The following MDGA2 variants were observed in gnomAD, a reference collection of about 807,000 sequenced individuals.
The protein encoded by MDGA2 is MAM domain containing glycosylphosphatidylinositol anchor 2.
Under a neutral mutation model 117.8 loss-of-function variants are expected in MDGA2, and 40 were observed. The observed-to-expected ratio is 0.34, with a 90% CI of 0.26 to 0.44. MDGA2 has a LOEUF of 0.44. MDGA2 is among the 20% of genes least tolerant of loss of function. The probability of loss-of-function intolerance (pLI) is 1.00; values close to 1 mark genes in which losing one functional copy is unlikely to be tolerated. For synonymous variants in MDGA2, 452 were observed against 439.0 expected (o/e 1.03, Z -0.37); for missense variants, 1,123 against 1,250.6 (o/e 0.90, Z 1.54).
intron 1 of MDGA2, among the ~76,000 whole-genome samples, chr14:47,422,113 C>T (rs1892592477): frequency 6.6e-6 from 1 of 152,034 alleles, no homozygotes; most frequent in African/African-American, 2.4e-5. Flanking sequence ...CCAGCATTTT[C>T]TGATTTTTAT....
intron 1 of MDGA2, among the ~76,000 whole-genome samples, chr14:47,596,597 C>A (rs750211909): frequency 2.7e-4 from 41 of 152,088 alleles, no homozygotes; most frequent in Non-Finnish European, 4.9e-4. Flanking sequence ...CTGAAGGGCT[C>A]CTTGTGACAT....
chr14:47,386,731 G>C (rs7143762), intron 1 of MDGA2, among the ~76,000 whole-genome samples: 109,317 of 151,860 alleles, frequency 0.72, 39,619 homozygotes, highest in Middle Eastern at 0.82. Context: ...ACTTCCACAA[G>C]TATGGTATTT....
chr14:46,955,214 A>AAT (rs1756946968), intron 9 of MDGA2, among the ~76,000 whole-genome samples: 1 of 151,968 alleles, frequency 6.6e-6, no homozygotes, highest in Non-Finnish European at 1.5e-5. Flanking sequence ...ATATATAAGT[A>AAT]ATATAGATAA....
intron 16 of MDGA2, among the ~76,000 whole-genome samples, chr14:46,844,871 TTTA>T (rs58606602): frequency 1.7e-4 from 25 of 151,412 alleles, no homozygotes; most frequent in South Asian, 4.2e-4. Context: ...TCTGATGATT[TTTA>T]TTATTATTAT....
At chr14:47,341,005 T>G (rs1370874850) in intron 1 of MDGA2, among the ~76,000 whole-genome samples, 1 of 152,164 alleles carries the variant, frequency 6.6e-6, no homozygotes, top group Non-Finnish European at 1.5e-5. Flanking sequence ...TCCCACCCTC[T>G]ATATTTAATT....
At chr14:47,370,069 T>C (rs1403520416) in intron 1 of MDGA2, among the ~76,000 whole-genome samples, 1 of 152,032 alleles carries the variant, frequency 6.6e-6, no homozygotes, top group Non-Finnish European at 1.5e-5. Flanking sequence ...CATATTCTTT[T>C]TTCGTTTTTT....
chr14:47,166,926 T>G (rs1398618707), intron 3 of MDGA2, among the ~76,000 whole-genome samples: 1 of 152,130 alleles, frequency 6.6e-6, no homozygotes, highest in African/African-American at 2.4e-5. Context: ...AGACAGTGTG[T>G]GTGTCAGCTA....
intron 4 of MDGA2, among the ~76,000 whole-genome samples, chr14:47,135,591 T>C (rs1479264816): frequency 6.6e-6 from 1 of 152,188 alleles, no homozygotes; most frequent in Admixed American, 6.6e-5. Context: ...CTATGCTGCA[T>C]TTCTAATTCT....
In MDGA2 at chr14:46,873,906, T is replaced by C. The variant is rs549160064; in HGVS notation, c.2593+139A>G. ...TAATGTCTACAAAGTTTTGTAAATA[T>C]CTAAATTGATACTGTACAGAAAATT... is the stretch of plus-strand genomic sequence containing the variant. On this transcript the variant is annotated intron_variant, in intron 13 of 16. Transcript: ENST00000399232. 1.5e-5 allele frequency: 11 copies of C among 750,528 alleles called. No individual in the cohort carries two copies. The African/African-American group carries it at 1.7e-4, about 11-fold the overall frequency. 46.5% of individuals were successfully genotyped at this position (750,528 alleles called of 1,614,324 possible). A position where few individuals can be genotyped will look rare whatever the true frequency, so the allele number is the denominator to read the frequency against.
intron 1 of MDGA2, among the ~76,000 whole-genome samples, chr14:47,481,678 G>T (rs556885741): frequency 6.6e-6 from 1 of 152,042 alleles, no homozygotes; most frequent in African/African-American, 2.4e-5. Flanking sequence ...GTTTTGCTTA[G>T]TTTCTCCATC....
At chr14:47,396,774 A>G (rs1409332698) in intron 1 of MDGA2, among the ~76,000 whole-genome samples, 3 of 152,180 alleles carry the variant, frequency 2.0e-5, no homozygotes, top group African/African-American at 4.8e-5. Flanking sequence ...GCAAATCAAA[A>G]CCACAATGAG....
rs373508880 is a variant in MDGA2, at chr14:47,462,375, C to CAAAAAAAAAAAAAAAA, written c.281-160841_281-160826dup. Reference sequence around the variant, plus strand: ...TGGGCGACAGAGAGAGACTCCGTCCCAAAAAAAAAAAAAAAAAGAAAGAAA... The same window carrying CAAAAAAAAAAAAAAAA: ...TGGGCGACAGAGAGAGACTCCGTCCCAAAAAAAAAAAAAAAAAAAAAAAAAAAAAAAAAGAAAGAAA... On this transcript the variant is annotated intron_variant, in intron 1 of 16. Transcript: ENST00000399232. Among the ~76,000 whole-genome samples the CAAAAAAAAAAAAAAAA allele has an allele frequency of 3.1e-5, 3 of 96,066 alleles. 1 individual carries two copies. Among genetic ancestry groups the CAAAAAAAAAAAAAAAA allele is most frequent in the Non-Finnish European group, 6.4e-5 (3 of 46,850 alleles). 63.0% of individuals were successfully genotyped at this position (96,066 alleles called of 152,430 possible).
At chr14:47,053,421 T>C (rs79139088) in intron 7 of MDGA2, among the ~76,000 whole-genome samples, 1,532 of 151,670 alleles carry the variant, frequency 0.01, 25 homozygotes, top group African/African-American at 0.035. Flanking sequence ...TCAAACCATT[T>C]TGTTCTCTCA....
chr14:47,105,559 A>G (rs1256850713), intron 5 of MDGA2, among the ~76,000 whole-genome samples: 3 of 151,974 alleles, frequency 2.0e-5, no homozygotes, highest in Non-Finnish European at 4.4e-5. Context: ...GCTTGACCCC[A>G]ATACAAACTC....
chr14:47,411,118 C>G (rs1892363302), intron 1 of MDGA2, among the ~76,000 whole-genome samples: 1 of 151,902 alleles, frequency 6.6e-6, no homozygotes, highest in South Asian at 2.1e-4. Context: ...ATCTCTTCTG[C>G]AAATGGAAGT....
chr14:47,607,427 T>G (rs1015455343), intron 1 of MDGA2, among the ~76,000 whole-genome samples: 7 of 152,208 alleles, frequency 4.6e-5, no homozygotes, highest in African/African-American at 1.7e-4. Context: ...AAGGTTATTT[T>G]AGTTGCTATA....
chr14:46,899,111 C>A (rs1010278314), intron 10 of MDGA2, among the ~76,000 whole-genome samples: 6 of 151,968 alleles, frequency 3.9e-5, no homozygotes, highest in African/African-American at 1.4e-4. Flanking sequence ...TTTACTTTTT[C>A]TCTCCCACAC....
intron 9 of MDGA2, among the ~76,000 whole-genome samples, chr14:46,932,773 T>C (rs558431126): frequency 6.6e-6 from 1 of 152,184 alleles, no homozygotes; most frequent in South Asian, 2.1e-4. Flanking sequence ...AGAAATAACA[T>C]GGTTTAGTAA....
intron 6 of MDGA2, among the ~76,000 whole-genome samples, chr14:47,089,520 T>G (rs1891030980): frequency 6.6e-6 from 1 of 151,958 alleles, no homozygotes; most frequent in Admixed American, 6.6e-5. Flanking sequence ...GGATTATAGG[T>G]GCGAGCTGCC....
Sources: allele counts gnomAD v4.1 joint callset (sites outside exome capture counted in the v4.1 genomes callset), GRCh38; gene constraint gnomAD v4.1.1; transcripts MANE v1.5; gene names NCBI Gene and HGNC (gene_info 2026-07-23, HGNC 2026-07-21).